The following RFX4 variants were observed in gnomAD, a reference collection of about 807,000 sequenced individuals.
RFX4 encodes regulatory factor X4.
RFX4 carries 10 observed loss-of-function variants against 95.0 expected under a neutral mutation model. The ratio of observed to expected loss-of-function variants is 0.11; its 90% CI spans 0.06 to 0.18. RFX4 has a LOEUF of 0.18. RFX4 is among the 10% of genes least tolerant of loss of function. The pLI, the probability that RFX4 is intolerant of heterozygous loss-of-function variation, is 1.00. For missense variants in RFX4, 640 were observed against 922.0 expected, an observed-to-expected ratio of 0.69 and a Z score of 3.96; for synonymous variants, 321 against 340.7, an observed-to-expected ratio of 0.94 and a Z score of 0.64.
In RFX4 at chr12:106,737,237, C is replaced by T. The variant is rs1461104419; in HGVS notation, c.1633+4152C>T. Among the ~76,000 whole-genome samples, 35 of 112,440 alleles carry T rather than the reference C, an allele frequency of 3.1e-4. 1 individual carries two copies. In the East Asian group the frequency reaches 9.4e-3, roughly 30 times the overall value. The allele number at this position is 112,440 out of a possible 152,430, so 73.8% of individuals were successfully genotyped here. A position where few individuals can be genotyped will look rare whatever the true frequency, so the allele number is the denominator to read the frequency against. On this transcript the variant is annotated intron_variant, in intron 15 of 17. Transcript: ENST00000392842. The stretch of plus-strand genomic sequence containing the variant: ...ATAAATAGGGTCAGATTGCTCCATT[C>T]AGGAGCATTTACTCATTTACTCACC...
chr12:106,714,090 A>AAAAAAAAAAAAAAAAC (rs1565991588), intron 10 of RFX4, among the ~76,000 whole-genome samples: 1 of 151,076 alleles, frequency 6.6e-6, no homozygotes, highest in Non-Finnish European at 1.5e-5. Flanking sequence ...AAAAAAAAAA[A>AAAAAAAAAAAAAAAAC]AGCATGTTCT....
At chr12:106,733,312 T>C in intron 15 of RFX4, 1 of 415,266 alleles carries the variant, frequency 2.4e-6, no homozygotes, top group East Asian at 3.8e-5. Flanking sequence ...CAGTGAGACC[T>C]TGTCTCAAAA....
At chr12:106,742,255 C>G (rs1365564237) in intron 15 of RFX4, among the ~76,000 whole-genome samples, 1 of 152,140 alleles carries the variant, frequency 6.6e-6, no homozygotes, top group Admixed American at 6.5e-5. Context: ...GGCGTGAGCA[C>G]AGCTCACTGC....
At position 106,761,193 on chromosome 12, in the gene RFX4, C is replaced by A. The variant is rs760039551; in HGVS notation, c.1936-4C>A. 1 of 1,609,116 alleles carries A rather than the reference C, an allele frequency of 6.2e-7. No individual in the cohort carries two copies. Among genetic ancestry groups the A allele is most frequent in the South Asian group, 1.1e-5 (1 of 90,964 alleles). ...CTTTGTGGAATTTCTTTCCCCTCAACAAGTACCCTTTTAATAGCCCCACTT... is the reference window on the plus strand; with the variant it reads ...CTTTGTGGAATTTCTTTCCCCTCAAAAAGTACCCTTTTAATAGCCCCACTT... On this transcript the variant is annotated splice_polypyrimidine_tract_variant and splice_region_variant and intron_variant, in intron 17 of 17. Transcript: ENST00000392842.
intron 3 of RFX4, among the ~76,000 whole-genome samples, chr12:106,640,124 A>G (rs1409348858): frequency 1.3e-5 from 2 of 152,204 alleles, no homozygotes; most frequent in African/African-American, 2.4e-5. Context: ...CAGGCTAGGC[A>G]CTTTATATAT....
At chr12:106,647,944 T>C (rs1305226998) in intron 3 of RFX4, among the ~76,000 whole-genome samples, 1 of 152,106 alleles carries the variant, frequency 6.6e-6, no homozygotes, top group Non-Finnish European at 1.5e-5. Context: ...GTCAGTGATC[T>C]CAAACTCTAA....
chr12:106,742,172 G>T (rs548035141), intron 15 of RFX4, among the ~76,000 whole-genome samples: 2 of 152,020 alleles, frequency 1.3e-5, no homozygotes, highest in African/African-American at 4.8e-5. Flanking sequence ...TCAGGTTTTT[G>T]TTGTTGTTGT....
intron 15 of RFX4, among the ~76,000 whole-genome samples, chr12:106,737,162 G>GTTTTTTTTTTTTT (rs556116618): frequency 3.6e-5 from 2 of 54,926 alleles, no homozygotes; most frequent in East Asian, 5.6e-4. Context: ...CGGAACTAAA[G>GTTTTTTTTTTTTT]TTTTTTTTTT....
At chr12:106,641,351 G>A (rs1206403778) in intron 3 of RFX4, among the ~76,000 whole-genome samples, 3 of 152,148 alleles carry the variant, frequency 2.0e-5, no homozygotes, top group East Asian at 3.9e-4. Flanking sequence ...AATGGGGATA[G>A]CAATAGTGTC....
intron 2 of RFX4, among the ~76,000 whole-genome samples, chr12:106,635,654 G>A (rs1016701861): frequency 6.6e-6 from 1 of 152,026 alleles, no homozygotes; most frequent in Non-Finnish European, 1.5e-5. Context: ...TCAATTATTT[G>A]CTCAGTATTA....
At chr12:106,601,394 C>A in intron 1 of RFX4, 1 of 1,537,324 alleles carries the variant, frequency 6.5e-7, no homozygotes, top group South Asian at 1.2e-5. Flanking sequence ...GCCTGGCACC[C>A]TCAGGGGGAA....
Position 106,689,349 on chromosome 12 carries a change from A to G in RFX4, c.654A>G (p.Arg218=). The G allele has an allele frequency of 6.2e-7, 1 of 1,613,568 alleles. No homozygotes were observed. Among genetic ancestry groups the G allele is most frequent in the South Asian group, 1.1e-5 (1 of 91,078 alleles). ...AGAGAATACTGGACACTGTAATAAGAGCCAACTTTGATGAGGTAGGTCAAC... is the reference window on the plus strand; with the variant it reads ...AGAGAATACTGGACACTGTAATAAGGGCCAACTTTGATGAGGTAGGTCAAC... ...HCQRILDTVI[R]ANFDEVQSFL... Residue 218 remains arginine (R), a synonymous_variant, in exon 7 of 18, where the codon AGA becomes AGG. Transcript: ENST00000392842.
intron 4 of RFX4, among the ~76,000 whole-genome samples, chr12:106,668,528 C>T (rs764315672): frequency 6.6e-5 from 10 of 152,010 alleles, no homozygotes; most frequent in African/African-American, 1.4e-4. Context: ...CTCCTGAGTT[C>T]GAGTCCAGCC....
At chr12:106,619,101 A>G (rs1356247960) in intron 2 of RFX4, among the ~76,000 whole-genome samples, 1 of 152,162 alleles carries the variant, frequency 6.6e-6, no homozygotes, top group Non-Finnish European at 1.5e-5. Flanking sequence ...CAAGTGTTAT[A>G]CACCCCACAA....
At chr12:106,751,062 A>G (rs1451703798) in intron 17 of RFX4, among the ~76,000 whole-genome samples, 1 of 149,244 alleles carries the variant, frequency 6.7e-6, no homozygotes, top group Admixed American at 6.7e-5. Context: ...CATTAGGTAT[A>G]TCTCCCAATG....
At chr12:106,615,205 A>G (rs1423433737) in intron 2 of RFX4, among the ~76,000 whole-genome samples, 1 of 152,126 alleles carries the variant, frequency 6.6e-6, no homozygotes, top group Non-Finnish European at 1.5e-5. Context: ...ATTAATTTTC[A>G]ACTGATAGAG....
chr12:106,670,250 C>T (rs1026731428), intron 4 of RFX4, among the ~76,000 whole-genome samples: 3 of 152,140 alleles, frequency 2.0e-5, no homozygotes, highest in Non-Finnish European at 4.4e-5. Context: ...ACACATGCTG[C>T]CATCACCACC....
At chr12:106,703,586 T>G (rs903782530) in intron 8 of RFX4, among the ~76,000 whole-genome samples, 3 of 152,242 alleles carry the variant, frequency 2.0e-5, no homozygotes, top group African/African-American at 7.2e-5. Flanking sequence ...GAGGATTTAG[T>G]AAAACACATC....
At chr12:106,584,116 G>T (rs941341421) in intron 1 of RFX4, among the ~76,000 whole-genome samples, 4 of 19,808 alleles carry the variant, frequency 2.0e-4, no homozygotes, top group African/African-American at 1.4e-3. Flanking sequence ...GCTGCTGGGC[G>T]TCAGTTTTGG....
Sources: gnomAD v4.1 joint callset for allele counts (sites outside exome capture counted in the v4.1 genomes callset) on GRCh38, gnomAD v4.1.1 for gene constraint, MANE v1.5 for transcripts, NCBI Gene and HGNC (gene_info 2026-07-23, HGNC 2026-07-21) for gene names.